Variants in NDST4 observed in about 807,000 individuals in gnomAD.
The protein encoded by NDST4 is N-deacetylase and N-sulfotransferase 4.
Under a neutral mutation model 100.8 loss-of-function variants are expected in NDST4, and 63 were observed. The observed-to-expected ratio is 0.62, with a 90% CI of 0.51 to 0.77. The LOEUF (loss-of-function observed/expected upper bound fraction) is 0.77. Among genes scored for constraint, NDST4 ranks in the 30% least tolerant of loss-of-function variants. The probability of loss-of-function intolerance (pLI) is 0.00; values close to 1 mark genes in which losing one functional copy is unlikely to be tolerated. For missense variants in NDST4, 943 were observed against 1,018.4 expected (o/e 0.93, Z 1.01); for synonymous variants, 377 against 361.8 (o/e 1.04, Z -0.48).
intron 1 of NDST4, among the ~76,000 whole-genome samples, chr4:115,098,189 T>G (rs1729658749): frequency 6.6e-6 from 1 of 152,202 alleles, no homozygotes; most frequent in Admixed American, 6.5e-5. Flanking sequence ...TTATTCCTAG[T>G]TCCTATATCT....
intron 6 of NDST4, among the ~76,000 whole-genome samples, chr4:114,926,368 C>A (rs1258520761): frequency 6.6e-6 from 1 of 152,046 alleles, no homozygotes; most frequent in African/African-American, 2.4e-5. Flanking sequence ...CCATTCCTTG[C>A]AGTTGGCTGA....
chr4:115,021,283 C>T (rs976785983), intron 2 of NDST4, among the ~76,000 whole-genome samples: 14 of 149,992 alleles, frequency 9.3e-5, no homozygotes, highest in Non-Finnish European at 3.0e-5. Context: ...CATGTGTATT[C>T]CACATATACA....
intron 7 of NDST4, among the ~76,000 whole-genome samples, chr4:114,867,789 C>A (rs550682666): frequency 1.0e-4 from 15 of 150,122 alleles, no homozygotes; most frequent in Admixed American, 9.3e-4. Flanking sequence ...AAGAGTCTTA[C>A]ACACTAAGGA....
At chr4:115,079,619 T>C (rs1729260479) in intron 1 of NDST4, among the ~76,000 whole-genome samples, 1 of 152,186 alleles carries the variant, frequency 6.6e-6, no homozygotes. Flanking sequence ...ATATTTAAGA[T>C]ATGCATTACA....
At chr4:115,089,693 C>T (rs551635609) in intron 1 of NDST4, among the ~76,000 whole-genome samples, 1 of 152,030 alleles carries the variant, frequency 6.6e-6, no homozygotes, top group East Asian at 1.9e-4. Context: ...CTAAATTAGA[C>T]ACACAGTAGA....
At chr4:114,983,443 T>TA (rs1306855679) in intron 2 of NDST4, among the ~76,000 whole-genome samples, 1 of 152,216 alleles carries the variant, frequency 6.6e-6, no homozygotes, top group Non-Finnish European at 1.5e-5. Flanking sequence ...TTGGAGTTTT[T>TA]AGATTTAATG....
At chr4:115,012,197 A>G (rs143368653) in intron 2 of NDST4, among the ~76,000 whole-genome samples, 2 of 152,178 alleles carry the variant, frequency 1.3e-5, no homozygotes, top group African/African-American at 4.8e-5. Context: ...ATGATAATTT[A>G]TCAATTTTAT....
chr4:114,863,016 T>C (rs1330719754), intron 7 of NDST4, among the ~76,000 whole-genome samples: 1 of 152,174 alleles, frequency 6.6e-6, no homozygotes, highest in African/African-American at 2.4e-5. Flanking sequence ...CCTCTTTTCC[T>C]GGCAAGTTTT....
intron 2 of NDST4, among the ~76,000 whole-genome samples, chr4:114,997,607 T>C (rs2041205795): frequency 2.0e-5 from 3 of 152,180 alleles, no homozygotes; most frequent in African/African-American, 7.2e-5. Flanking sequence ...TTGTATTGTT[T>C]TTGTGAAACT....
At chr4:114,847,416 A>AAAAAAAAAAG (rs1391736224) in intron 9 of NDST4, among the ~76,000 whole-genome samples, 1 of 103,598 alleles carries the variant, frequency 9.7e-6, no homozygotes, top group Non-Finnish European at 1.9e-5. Context: ...AAAAAAAAAA[A>AAAAAAAAAAG]GTGTCTTTCA....
chr4:115,088,528 C>A (rs1187013577), intron 1 of NDST4, among the ~76,000 whole-genome samples: 3 of 151,912 alleles, frequency 2.0e-5, no homozygotes, highest in Non-Finnish European at 2.9e-5. Context: ...CACTTCCTCA[C>A]CTTTCCTAGT....
At chr4:114,941,491 A>C (rs963939538) in intron 4 of NDST4, among the ~76,000 whole-genome samples, 5 of 152,076 alleles carry the variant, frequency 3.3e-5, no homozygotes, top group Non-Finnish European at 7.4e-5. Context: ...CTCTGCAGCT[A>C]TCATTTTTTT....
At chr4:115,066,789 C>A (rs1360471657) in intron 2 of NDST4, among the ~76,000 whole-genome samples, 2 of 152,140 alleles carry the variant, frequency 1.3e-5, no homozygotes, top group Non-Finnish European at 2.9e-5. Context: ...CTAGGGAGTT[C>A]TATAACAGGG....
At chr4:114,983,241 A>G (rs1726820158) in intron 2 of NDST4, among the ~76,000 whole-genome samples, 1 of 152,134 alleles carries the variant, frequency 6.6e-6, no homozygotes, top group East Asian at 1.9e-4. Context: ...CCGCCAGACC[A>G]CAGAATGGTA....
At chr4:114,932,466 A>C (rs1199321006) in intron 6 of NDST4, among the ~76,000 whole-genome samples, 1 of 152,146 alleles carries the variant, frequency 6.6e-6, no homozygotes, top group African/African-American at 2.4e-5. Context: ...AACTGCTTCT[A>C]TTCAATATAA....
At chr4:114,940,880 G>GCTGCT (rs1725735959) in intron 4 of NDST4, among the ~76,000 whole-genome samples, 1 of 152,138 alleles carries the variant, frequency 6.6e-6, no homozygotes, top group Non-Finnish European at 1.5e-5. Flanking sequence ...TCTCTCCTCT[G>GCTGCT]CTGCTCTGCT....
intron 13 of NDST4, 54 bp from the exon 14 acceptor site, chr4:114,827,989 A>T: frequency 6.6e-7 from 1 of 1,518,320 alleles, no homozygotes; most frequent in Non-Finnish European, 8.9e-7. Flanking sequence ...ATCAAACAGG[A>T]TATTGTAATC....
intron 2 of NDST4, among the ~76,000 whole-genome samples, chr4:115,029,792 A>C (rs982227888): frequency 6.6e-6 from 1 of 152,090 alleles, no homozygotes; most frequent in Non-Finnish European, 1.5e-5. Flanking sequence ...AGAGAGAACT[A>C]TAGAGAAAAT....
At chr4:115,036,425 A>G (rs1158510170) in intron 2 of NDST4, among the ~76,000 whole-genome samples, 2 of 151,142 alleles carry the variant, frequency 1.3e-5, no homozygotes, top group Non-Finnish European at 3.0e-5. Context: ...GTGTGTGCAT[A>G]TATGTATATG....
Sources: gnomAD v4.1 joint callset for allele counts (sites outside exome capture counted in the v4.1 genomes callset) on GRCh38, gnomAD v4.1.1 for gene constraint, MANE v1.5 for transcripts, NCBI Gene and HGNC (gene_info 2026-07-23, HGNC 2026-07-21) for gene names.